The following WDR7 variants were observed in gnomAD, a reference collection of about 807,000 sequenced individuals.
WDR7 encodes WD repeat-containing protein 7.
WDR7 carries 46 observed loss-of-function variants against 169.4 expected under a neutral mutation model. That is an observed-to-expected ratio of 0.27 (90% CI 0.21 to 0.35). The LOEUF is 0.35. Ranked by LOEUF, WDR7 falls within the 10% of genes least tolerant of loss-of-function variation. WDR7 has a pLI of 1.00. For missense variants in WDR7, 1,534 were observed against 1,859.3 expected (o/e 0.83, Z 3.22); for synonymous variants, 612 against 666.8 (o/e 0.92, Z 1.27).
At chr18:56,979,043 AT>A (rs1284685612) in intron 26 of WDR7, among the ~76,000 whole-genome samples, 1 of 152,102 alleles carries the variant, frequency 6.6e-6, no homozygotes, top group African/African-American at 2.4e-5. Flanking sequence ...GTGGAATTTG[AT>A]TTTTTTATTA....
At chr18:56,723,544 G>A (rs1419966363) in intron 13 of WDR7, among the ~76,000 whole-genome samples, 1 of 151,988 alleles carries the variant, frequency 6.6e-6, no homozygotes, top group Admixed American at 6.6e-5. Flanking sequence ...TGTCTTCTGG[G>A]TTGCATTATT....
At chr18:56,767,817 A>G (rs2145001565) in intron 16 of WDR7, among the ~76,000 whole-genome samples, 1 of 152,334 alleles carries the variant, frequency 6.6e-6, no homozygotes. Flanking sequence ...TAGTAATGGT[A>G]GTATGATTAG....
intron 2 of WDR7, among the ~76,000 whole-genome samples, chr18:56,672,926 A>T (rs1245181775): frequency 3.9e-5 from 6 of 152,190 alleles, no homozygotes; most frequent in Non-Finnish European, 8.8e-5. Flanking sequence ...AGATTTTTCA[A>T]ATGATGATGA....
intron 26 of WDR7, among the ~76,000 whole-genome samples, chr18:56,990,808 T>A (rs2047801355): frequency 6.6e-6 from 1 of 152,228 alleles, no homozygotes; most frequent in Non-Finnish European, 1.5e-5. Flanking sequence ...GCAGCCTCTG[T>A]GCTCAGGCTA....
intron 26 of WDR7, among the ~76,000 whole-genome samples, chr18:56,998,404 G>A (rs188252141): frequency 6.2e-4 from 94 of 152,256 alleles, no homozygotes; most frequent in African/African-American, 2.2e-3. Flanking sequence ...ATAACATTGG[G>A]CCAAAGTAGA....
intron 19 of WDR7, among the ~76,000 whole-genome samples, chr18:56,799,978 GA>G (rs1294557486): frequency 6.6e-6 from 1 of 152,164 alleles, no homozygotes; most frequent in Admixed American, 6.5e-5. Flanking sequence ...GAGTAAGGAA[GA>G]AATTAGAGTT....
chr18:57,007,751 A>G (rs887405752), intron 26 of WDR7, among the ~76,000 whole-genome samples: 2 of 152,192 alleles, frequency 1.3e-5, no homozygotes, highest in Non-Finnish European at 2.9e-5. Flanking sequence ...AATGTGTACA[A>G]TGAGCCCAGG....
chr18:56,661,186 G>A (rs150545696), intron 1 of WDR7, among the ~76,000 whole-genome samples: 279 of 152,222 alleles, frequency 1.8e-3, no homozygotes, highest in African/African-American at 6.4e-3. Context: ...GGAAGAAATT[G>A]GAATGACTGG....
At chr18:56,817,701 T>C (rs1289242145) in intron 20 of WDR7, among the ~76,000 whole-genome samples, 1 of 152,102 alleles carries the variant, frequency 6.6e-6, no homozygotes, top group Non-Finnish European at 1.5e-5. Flanking sequence ...TTTACAATTA[T>C]AGAATTTGTT....
intron 26 of WDR7, among the ~76,000 whole-genome samples, chr18:57,002,704 A>C (rs771854383): frequency 6.6e-6 from 1 of 152,192 alleles, no homozygotes; most frequent in Non-Finnish European, 1.5e-5. Flanking sequence ...TGCAGCTGTC[A>C]GCTCATTTTT....
At chr18:56,835,323 C>A (rs936076255) in intron 20 of WDR7, among the ~76,000 whole-genome samples, 4 of 152,162 alleles carry the variant, frequency 2.6e-5, no homozygotes, top group Non-Finnish European at 5.9e-5. Flanking sequence ...TAATAGATTT[C>A]TTCAGATGCT....
At chr18:56,720,365 C>T (rs2026294097) in intron 13 of WDR7, among the ~76,000 whole-genome samples, 1 of 151,994 alleles carries the variant, frequency 6.6e-6, no homozygotes, top group South Asian at 2.1e-4. Flanking sequence ...GAGAGAATCA[C>T]TTGAGACCAG....
intron 12 of WDR7, among the ~76,000 whole-genome samples, chr18:56,717,100 G>A (rs1209861011): frequency 6.6e-6 from 1 of 152,162 alleles, no homozygotes; most frequent in Non-Finnish European, 1.5e-5. Flanking sequence ...ATATGTACAA[G>A]AATGAGTTTC....
Position 56,964,838 on chromosome 18 carries a change from G to GTT in WDR7, c.4164+2310_4164+2311insTT, listed in dbSNP as rs1360837735. Reference sequence around the variant, plus strand: ...GCACCTTCCTCTCATCATTCAGAACGTGAAAACAAGGCTAAATCTCTAACA... The same window carrying GTT: ...GCACCTTCCTCTCATCATTCAGAACGTTTGAAAACAAGGCTAAATCTCTAACA... On this transcript the variant is annotated intron_variant, in intron 26 of 27. Coordinates refer to ENST00000254442, the MANE Select transcript of WDR7 (RefSeq NM_015285.3). Among the ~76,000 whole-genome samples the GTT allele has an allele frequency of 2.0e-5, 3 of 152,058 alleles. No homozygotes were observed. The East Asian group carries it at 5.8e-4, about 29-fold the overall frequency.
chr18:56,895,172 T>G (rs2046314991), intron 21 of WDR7, among the ~76,000 whole-genome samples: 1 of 151,974 alleles, frequency 6.6e-6, no homozygotes, highest in Admixed American at 6.6e-5. Context: ...ATTGAACAGC[T>G]TGTAATTGTA....
intron 26 of WDR7, among the ~76,000 whole-genome samples, chr18:56,976,975 T>A (rs377516459): frequency 1.8e-4 from 27 of 152,306 alleles, no homozygotes; most frequent in African/African-American, 6.5e-4. Context: ...GGCAGAGGCT[T>A]TGGAATAGAT....
chr18:56,754,146 G>A (rs1599017302), intron 14 of WDR7, among the ~76,000 whole-genome samples: 1 of 151,562 alleles, frequency 6.6e-6, no homozygotes, highest in East Asian at 1.9e-4. Context: ...TTTGGTCCGG[G>A]AAAGTACAAG....
At chr18:56,769,847 A>G (rs1488889635) in intron 16 of WDR7, among the ~76,000 whole-genome samples, 1 of 152,216 alleles carries the variant, frequency 6.6e-6, no homozygotes, top group African/African-American at 2.4e-5. Flanking sequence ...AGTACTTAAC[A>G]TAGAGTCCAT....
At chr18:56,698,930 C>G (rs1399303005) in intron 12 of WDR7, among the ~76,000 whole-genome samples, 1 of 151,956 alleles carries the variant, frequency 6.6e-6, no homozygotes, top group Non-Finnish European at 1.5e-5. Flanking sequence ...GGGTACTGGG[C>G]TTAATACTTG....
Sources: allele counts gnomAD v4.1 joint callset (sites outside exome capture counted in the v4.1 genomes callset), GRCh38; gene constraint gnomAD v4.1.1; transcripts MANE v1.5; gene names NCBI Gene and HGNC (gene_info 2026-07-23, HGNC 2026-07-21).